Variants in GANC observed in about 807,000 individuals in gnomAD.
GANC encodes the protein neutral alpha-glucosidase C.
A neutral mutation model predicts 124.2 loss-of-function variants in GANC; 117 were observed. The ratio of observed to expected loss-of-function variants is 0.94; its 90% CI spans 0.81 to 1.10. The LOEUF is 1.10. Among genes scored for constraint, GANC ranks in the 50% least tolerant of loss-of-function variants. GANC has a pLI of 0.00. For missense variants in GANC, 1,140 were observed against 1,095.0 expected, an observed-to-expected ratio of 1.04 and a Z score of -0.58; for synonymous variants, 377 against 376.8, an observed-to-expected ratio of 1.00 and a Z score of -0.01.
In GANC at chr15:42,338,535, T is replaced by C. The variant is rs749579655; in HGVS notation, c.1843+45T>C. On this transcript the variant is annotated intron_variant, in intron 16 of 23. Coordinates refer to ENST00000318010, the MANE Select transcript of GANC (RefSeq NM_198141.3). The stretch of plus-strand genomic sequence containing the variant: ...GCTTGAAGTGCAAGGAAATAAAAAA[T>C]GAGGGTGTTTTCATCAAAGCTGGTT... 9.6e-6 allele frequency: 13 copies of C among 1,358,378 alleles called. No individual in the cohort carries two copies. In the Admixed American group the frequency reaches 1.5e-4, roughly 16 times the overall value. 84.1% of individuals were successfully genotyped at this position (1,358,378 alleles called of 1,614,324 possible). A position where few individuals can be genotyped will look rare whatever the true frequency, so the allele number is the denominator to read the frequency against.
chr15:42,278,890 G>C, intron 3 of GANC, among the ~76,000 whole-genome samples: 1 of 152,146 alleles, frequency 6.6e-6, no homozygotes, highest in South Asian at 2.1e-4. Context: ...AGCTACTCAG[G>C]AGGCTGAGGT....
chr15:42,296,423 G>A (rs2051891817), intron 5 of GANC, among the ~76,000 whole-genome samples: 1 of 152,110 alleles, frequency 6.6e-6, no homozygotes, highest in African/African-American at 2.4e-5. Flanking sequence ...TTTCACTCTT[G>A]TTGCCCAGGC....
intron 17 of GANC, 69 bp downstream of exon 17, chr15:42,339,981 A>G: frequency 1.3e-6 from 2 of 1,507,016 alleles, no homozygotes; most frequent in East Asian, 2.3e-5. Flanking sequence ...GTGATTAAAG[A>G]ATGCAATAAT....
At chr15:42,333,300 C>G (rs950979951) in intron 15 of GANC, among the ~76,000 whole-genome samples, 117 of 151,884 alleles carry the variant, frequency 7.7e-4, no homozygotes, top group African/African-American at 2.6e-3. Context: ...TGCAGTCCAG[C>G]CTGGGCCACA....
chr15:42,273,420 A>G lies in GANC; in HGVS notation c.-1062A>G, dbSNP rs1346134499. 1 of 1,613,288 alleles carries G rather than the reference A, an allele frequency of 6.2e-7. No homozygotes were observed. Among genetic ancestry groups the G allele is most frequent in the South Asian group, 1.1e-5 (1 of 91,062 alleles). ...CCATCTTCACAGCCGTGGAGTGCCT[A>G]CCGAAAGCATTTCACCCTCTTCCGG... On this transcript the variant is annotated 5_prime_UTR_variant, in exon 1 of 24. Transcript: ENST00000318010.
chr15:42,298,619 T>C (rs1463963641), intron 6 of GANC, among the ~76,000 whole-genome samples: 1 of 152,206 alleles, frequency 6.6e-6, no homozygotes, highest in East Asian at 1.9e-4. Flanking sequence ...ACTCCAGAAA[T>C]CTTCTCTCTC....
At chr15:42,290,822 AT>A (rs968925942) in intron 4 of GANC, among the ~76,000 whole-genome samples, 4 of 151,886 alleles carry the variant, frequency 2.6e-5, no homozygotes, top group Admixed American at 6.6e-5. Flanking sequence ...AAAATAAACA[AT>A]TTTTTTTAAA....
intron 6 of GANC, among the ~76,000 whole-genome samples, chr15:42,304,988 A>G (rs1595771033): frequency 6.6e-6 from 1 of 152,236 alleles, no homozygotes; most frequent in East Asian, 1.9e-4. Flanking sequence ...TAAACATAAG[A>G]TCTAAAACCT....
At chr15:42,293,231 C>T (rs527446807) in intron 5 of GANC, among the ~76,000 whole-genome samples, 3 of 152,272 alleles carry the variant, frequency 2.0e-5, no homozygotes, top group Admixed American at 1.3e-4. Flanking sequence ...AGCATACCTT[C>T]GTAATTTCAC....
chr15:42,293,030 T>C (rs2051856903), intron 5 of GANC, 113 bp downstream of exon 5: 3 of 985,044 alleles, frequency 3.0e-6, no homozygotes, highest in Non-Finnish European at 4.5e-6. Flanking sequence ...CCTTATTTGC[T>C]CTAGTATTGT....
rs372974307 is a variant in GANC, at chr15:42,340,767, G to GTTT, written c.2152+28_2152+30dup. On this transcript the variant is annotated intron_variant, in intron 18 of 23. Coordinates refer to ENST00000318010, the MANE Select transcript of GANC (RefSeq NM_198141.3). ...GAATACATGCTGGGTGAGCATTTCT[G>GTTT]TTTTTTTTTTTTTTTTTGAGACGGA... The GTTT allele has an allele frequency of 2.6e-3, 3,497 of 1,366,440 alleles. No individual in the cohort carries two copies. The highest frequency in any genetic ancestry group is 5.1e-3 in the Admixed American group (215 of 41,996). The allele number at this position is 1,366,440 out of a possible 1,614,324, so 84.6% of individuals were successfully genotyped here. A position where few individuals can be genotyped will look rare whatever the true frequency, so the allele number is the denominator to read the frequency against.
At chr15:42,322,058 G>A in intron 11 of GANC, 38 bp downstream of exon 11, 2 of 1,529,522 alleles carry the variant, frequency 1.3e-6, no homozygotes, top group Non-Finnish European at 1.8e-6. Flanking sequence ...TTTAATTACA[G>A]AGTTTTAAAA....
intron 23 of GANC, among the ~76,000 whole-genome samples, chr15:42,351,775 C>T (rs1283750369): frequency 1.3e-5 from 2 of 152,188 alleles, no homozygotes; most frequent in Admixed American, 6.5e-5. Flanking sequence ...GACTTATATC[C>T]TTCCTTGCTT....
intron 11 of GANC, among the ~76,000 whole-genome samples, chr15:42,323,893 G>T (rs2052179981): frequency 1.3e-5 from 2 of 152,100 alleles, no homozygotes; most frequent in South Asian, 2.1e-4. Flanking sequence ...AGAGGAAGGA[G>T]CATTAGGGGT....
chr15:42,314,289 C>G, intron 10 of GANC: 1 of 625,188 alleles, frequency 1.6e-6, no homozygotes, highest in South Asian at 1.9e-5. Flanking sequence ...GGCATTTTCT[C>G]AGCAGAATTT....
intron 15 of GANC, among the ~76,000 whole-genome samples, chr15:42,334,862 T>C (rs1347740682): frequency 6.6e-6 from 1 of 151,400 alleles, no homozygotes; most frequent in African/African-American, 2.4e-5. Flanking sequence ...AAGGAGAAAA[T>C]GTAGGAGAAA....
chr15:42,295,220 C>G (rs542239239), intron 5 of GANC, among the ~76,000 whole-genome samples: 1 of 151,944 alleles, frequency 6.6e-6, no homozygotes, highest in Non-Finnish European at 1.5e-5. Context: ...GTGATCCGCC[C>G]GCCTCAGCCT....
rs748176078 is a variant in GANC at position 42,339,749 on chromosome 15, T to C, written c.1924T>C (p.Phe642Leu). 3.1e-6 allele frequency: 5 copies of C among 1,614,184 alleles called. No homozygotes were observed. The South Asian group carries it at 5.5e-5, about 18-fold the overall frequency. Residue 642 changes from phenylalanine to leucine, a missense_variant, in exon 17 of 24, where the codon TTC (phenylalanine) becomes CTC (leucine). Coordinates refer to ENST00000318010, the MANE Select transcript of GANC (RefSeq NM_198141.3). ...CCAGGCTGGAGCCTACCAGCCCTTC[T>C]TCCGTGGCCATGCCACCATGAACAC... is the stretch of plus-strand genomic sequence containing the variant. The part of the protein sequence containing the change: ...WYQAGAYQPF[F>L]RGHATMNTKR...
chr15:42,303,178 A>G (rs982824809), intron 6 of GANC, among the ~76,000 whole-genome samples: 5 of 152,264 alleles, frequency 3.3e-5, no homozygotes, highest in Non-Finnish European at 7.3e-5. Context: ...CCTACAAGCC[A>G]GAAGAGAGTG....
Sources: allele counts gnomAD v4.1 joint callset (sites outside exome capture counted in the v4.1 genomes callset), GRCh38; gene constraint gnomAD v4.1.1; transcripts MANE v1.5; gene names NCBI Gene and HGNC (gene_info 2026-07-23, HGNC 2026-07-21).